Variants in TRMT1L observed in about 807,000 individuals in gnomAD.
The protein encoded by TRMT1L is tRNA methyltransferase 1L.
Under a neutral mutation model 81.6 loss-of-function variants are expected in TRMT1L, and 28 were observed. The ratio of observed to expected loss-of-function variants is 0.34; its 90% CI spans 0.25 to 0.47. TRMT1L has a LOEUF of 0.47. Among genes scored for constraint, TRMT1L ranks in the 20% least tolerant of loss-of-function variants. The pLI is 1.00. For synonymous variants in TRMT1L, 301 were observed against 303.2 expected (o/e 0.99, Z 0.07); for missense variants, 739 against 877.1 (o/e 0.84, Z 1.99).
chr1:185,151,449 T>C (rs922513288), intron 2 of TRMT1L, among the ~76,000 whole-genome samples: 2 of 152,142 alleles, frequency 1.3e-5, no homozygotes, highest in Non-Finnish European at 2.9e-5. Flanking sequence ...GGGGCACTGA[T>C]AACGTGGAAC....
At chr1:185,150,596 A>C in intron 2 of TRMT1L, 104 bp from the exon 3 acceptor site, 1 of 755,522 alleles carries the variant, frequency 1.3e-6, no homozygotes, top group African/African-American at 1.8e-5. Context: ...TACTTCTTAA[A>C]GTCTTTCTTA....
At position 185,156,654 on chromosome 1, in the gene TRMT1L, G is replaced by A; in HGVS notation, c.59C>T (p.Ala20Val). The A allele has an allele frequency of 6.2e-7, 1 of 1,610,710 alleles. No homozygotes were observed. The highest frequency in any genetic ancestry group is 8.5e-7 in the Non-Finnish European group (1 of 1,178,778). The change falls in exon 1 of 15, where the codon GCC (alanine) becomes GTC (valine). Residue 20 changes from alanine to valine, a missense_variant. Coordinates refer to ENST00000367506, the MANE Select transcript of TRMT1L (RefSeq NM_030934.5). ...LPLEKEEVEV[A>V]QVQVPTPARD... ...GGCCGGGGTCGGGACCTGGACCTGG[G>A]CCACCTCCACCTCCTCCTTCTCCAG...
intron 8 of TRMT1L, among the ~76,000 whole-genome samples, 177 bp downstream of exon 8, chr1:185,139,796 A>G (rs1168753242): frequency 6.6e-6 from 1 of 152,254 alleles, no homozygotes; most frequent in African/African-American, 2.4e-5. Flanking sequence ...TCACATGCCC[A>G]GGCATTTTAT....
At chr1:185,156,957 G>A (rs558515674), upstream of TRMT1L, 16 of 572,302 alleles carry the variant, frequency 2.8e-5, 1 homozygote, top group East Asian at 5.0e-4. Context: ...GCGTTACGAC[G>A]CCACCACAAA....
chr1:185,154,241 T>C (rs1425771684), intron 1 of TRMT1L, among the ~76,000 whole-genome samples: 1 of 152,222 alleles, frequency 6.6e-6, no homozygotes, highest in Non-Finnish European at 1.5e-5. Flanking sequence ...CCAGCCTCCA[T>C]GGAATGTAGT....
intron 5 of TRMT1L, among the ~76,000 whole-genome samples, chr1:185,144,939 C>T (rs947528900): frequency 6.0e-5 from 9 of 151,188 alleles, no homozygotes; most frequent in African/African-American, 1.7e-4. Context: ...AGGAATGGTA[C>T]GTAGTGCCAT....
chr1:185,142,008 T>C (rs1653062965), intron 7 of TRMT1L, among the ~76,000 whole-genome samples: 2 of 152,030 alleles, frequency 1.3e-5, no homozygotes, highest in South Asian at 4.2e-4. Flanking sequence ...GAATGGAAAA[T>C]GTGAGTTATA....
rs1388815228 is a variant in TRMT1L at position 185,118,802 on chromosome 1, T to G, written c.*1217A>C. 1 of 152,124 alleles carries G rather than the reference T, an allele frequency of 6.6e-6. No individual in the cohort carries two copies. Among genetic ancestry groups the G allele is most frequent in the Non-Finnish European group, 1.5e-5 (1 of 68,002 alleles). 9.4% of individuals were successfully genotyped at this position (152,124 alleles called of 1,614,324 possible). A position where few individuals can be genotyped will look rare whatever the true frequency, so the allele number is the denominator to read the frequency against. ...CATCTAATGCCTATCCACTAGATTT[T>G]TTTGTATATGTCACAGAAGTACTTT... On this transcript the variant is annotated 3_prime_UTR_variant, in exon 15 of 15. Coordinates refer to ENST00000367506, the MANE Select transcript of TRMT1L (RefSeq NM_030934.5).
intron 2 of TRMT1L, among the ~76,000 whole-genome samples, chr1:185,151,160 A>G (rs2102259230): frequency 6.6e-6 from 1 of 152,358 alleles, no homozygotes; most frequent in Admixed American, 6.5e-5. Flanking sequence ...AGTATAGATG[A>G]AAGAATTAAA....
At chr1:185,141,569 T>C (rs1653046570) in intron 7 of TRMT1L, among the ~76,000 whole-genome samples, 1 of 152,032 alleles carries the variant, frequency 6.6e-6, no homozygotes, top group Non-Finnish European at 1.5e-5. Context: ...CCAGGCGTGG[T>C]GGTAGGCGCC....
chr1:185,125,713 T>C (rs1249071338), intron 11 of TRMT1L, among the ~76,000 whole-genome samples: 1 of 152,186 alleles, frequency 6.6e-6, no homozygotes. Flanking sequence ...AAATAATTTA[T>C]TGAACTCTCA....
intron 4 of TRMT1L, among the ~76,000 whole-genome samples, chr1:185,146,187 G>T (rs1432423760): frequency 6.6e-6 from 1 of 151,794 alleles, no homozygotes; most frequent in Non-Finnish European, 1.5e-5. Context: ...TCATTTTTAG[G>T]TTTATATAAC....
At chr1:185,148,312 G>A (rs1047484425) in intron 3 of TRMT1L, among the ~76,000 whole-genome samples, 1 of 151,968 alleles carries the variant, frequency 6.6e-6, no homozygotes, top group African/African-American at 2.4e-5. Context: ...TCTGGTTCCG[G>A]CCTTCTTTCC....
upstream of TRMT1L, chr1:185,157,158 T>G: frequency 6.0e-6 from 1 of 166,442 alleles, no homozygotes; most frequent in South Asian, 1.3e-4. Flanking sequence ...GCGAGCGCTG[T>G]GGGGCGGTGA....
At chr1:185,134,700 C>T in intron 10 of TRMT1L, among the ~76,000 whole-genome samples, 1 of 152,324 alleles carries the variant, frequency 6.6e-6, no homozygotes. Context: ...ATAAGAACTT[C>T]TATAAGGCAC....
At chr1:185,138,935 G>A (rs1172971420) in intron 9 of TRMT1L, among the ~76,000 whole-genome samples, 1 of 152,116 alleles carries the variant, frequency 6.6e-6, no homozygotes, top group East Asian at 1.9e-4. Context: ...TTACAGGTGT[G>A]TACCAACATG....
chr1:185,142,301 G>A (rs900510541), intron 7 of TRMT1L, among the ~76,000 whole-genome samples: 1 of 152,124 alleles, frequency 6.6e-6, no homozygotes, highest in Non-Finnish European at 1.5e-5. Context: ...TTGAACTCAG[G>A]CAGTCTGGTT....
chr1:185,144,706 A>G (rs546121130), intron 5 of TRMT1L, among the ~76,000 whole-genome samples: 2 of 152,008 alleles, frequency 1.3e-5, no homozygotes, highest in Non-Finnish European at 2.9e-5. Context: ...GGATTTCTTG[A>G]TAACATTACA....
chr1:185,129,020 TTA>T (rs1381866798), intron 10 of TRMT1L, among the ~76,000 whole-genome samples: 2 of 152,112 alleles, frequency 1.3e-5, no homozygotes, highest in African/African-American at 4.8e-5. Flanking sequence ...AAAATCTCAA[TTA>T]TACAGATCAG....
Sources: allele counts gnomAD v4.1 joint callset (sites outside exome capture counted in the v4.1 genomes callset), GRCh38; gene constraint gnomAD v4.1.1; transcripts MANE v1.5; gene names NCBI Gene and HGNC (gene_info 2026-07-23, HGNC 2026-07-21).